Variants in CNTN4 observed in about 807,000 individuals in gnomAD.
The protein encoded by CNTN4 is contactin 4.
CNTN4 carries 77 observed loss-of-function variants against 122.5 expected under a neutral mutation model. The observed-to-expected ratio is 0.63, with a 90% CI of 0.52 to 0.76. CNTN4 has a LOEUF of 0.76. Among genes scored for constraint, CNTN4 ranks in the 30% least tolerant of loss-of-function variants. The pLI, the probability that CNTN4 is intolerant of heterozygous loss-of-function variation, is 0.00. For synonymous variants in CNTN4, 512 were observed against 447.0 expected (o/e 1.15, Z -1.83); for missense variants, 1,256 against 1,259.1 (o/e 1.00, Z 0.04).
At chr3:2,858,552 C>G (rs1359466559) in intron 7 of CNTN4, among the ~76,000 whole-genome samples, 1 of 151,760 alleles carries the variant, frequency 6.6e-6, no homozygotes, top group Non-Finnish European at 1.5e-5. Context: ...ATGGTGAAAC[C>G]CTGTCTTTAC....
At chr3:2,976,557 A>C (rs927788048) in intron 13 of CNTN4, among the ~76,000 whole-genome samples, 15 of 152,124 alleles carry the variant, frequency 9.9e-5, no homozygotes, top group African/African-American at 3.6e-4. Context: ...TTTGCCTGAA[A>C]TTACCCCGGG....
chr3:2,212,641 A>T lies in CNTN4; in HGVS notation c.-145+112002A>T, dbSNP rs180852004. Among the ~76,000 whole-genome samples, 237 of 152,366 alleles carry T rather than the reference A, an allele frequency of 1.6e-3. 2 individuals are homozygous for T. The highest frequency in any genetic ancestry group is 5.4e-3 in the African/African-American group (223 of 41,596). On this transcript the variant is annotated intron_variant, in intron 2 of 24. Transcript: ENST00000418658. ...GAGGCTTATTACAATTCAAGGTGAG[A>T]TTTGGATAGGGACACAGCCAAACCG...
At position 2,834,121 on chromosome 3, in the gene CNTN4, G is replaced by A. The variant is rs561997040; in HGVS notation, c.454+14540G>A. On this transcript the variant is annotated intron_variant, in intron 7 of 24. Transcript: ENST00000418658. ...AGATCGCCACTGCTCTCCAGCCTGG[G>A]CAACAGAGCAAGACTTCGTCTCAAA... Among the ~76,000 whole-genome samples, 17 of 152,082 alleles carry A rather than the reference G, an allele frequency of 1.1e-4. No homozygotes were observed. The South Asian group carries it at 3.3e-3, about 30-fold the overall frequency.
At chr3:2,678,717 T>C (rs999607114) in intron 4 of CNTN4, among the ~76,000 whole-genome samples, 3 of 152,170 alleles carry the variant, frequency 2.0e-5, no homozygotes, top group African/African-American at 7.2e-5. Flanking sequence ...CGGATAGAAT[T>C]TGGCCCCTCC....
At chr3:2,839,254 A>G (rs544254269) in intron 7 of CNTN4, among the ~76,000 whole-genome samples, 1 of 152,336 alleles carries the variant, frequency 6.6e-6, no homozygotes, top group Admixed American at 6.5e-5. Context: ...TTTTCCAATT[A>G]ATTGCTTTAA....
chr3:2,416,746 C>T (rs373951892), intron 3 of CNTN4, among the ~76,000 whole-genome samples: 5 of 152,000 alleles, frequency 3.3e-5, no homozygotes, highest in Non-Finnish European at 5.9e-5. Context: ...CTCTGCCTCT[C>T]GGGTTCCCGC....
intron 3 of CNTN4, among the ~76,000 whole-genome samples, chr3:2,423,049 T>C (rs2047671766): frequency 6.6e-6 from 1 of 152,210 alleles, no homozygotes; most frequent in South Asian, 2.1e-4. Context: ...TGCGTTGTTT[T>C]AGTGGAATGA....
At chr3:2,327,213 C>A (rs536027080) in intron 2 of CNTN4, among the ~76,000 whole-genome samples, 1 of 151,614 alleles carries the variant, frequency 6.6e-6, no homozygotes, top group Non-Finnish European at 1.5e-5. Context: ...AAGGTATTTC[C>A]CAGTGAGTAG....
At chr3:2,354,957 G>A (rs2044805764) in intron 3 of CNTN4, among the ~76,000 whole-genome samples, 1 of 152,204 alleles carries the variant, frequency 6.6e-6, no homozygotes, top group Non-Finnish European at 1.5e-5. Flanking sequence ...CATTGTGTCA[G>A]ATTACATCCA....
chr3:2,683,218 G>C (rs1488414127), intron 4 of CNTN4, among the ~76,000 whole-genome samples: 3 of 152,040 alleles, frequency 2.0e-5, no homozygotes, highest in African/African-American at 7.2e-5. Flanking sequence ...AAAATGACAA[G>C]AAGAGATTGA....
At chr3:2,341,162 C>T (rs11717215) in intron 3 of CNTN4, among the ~76,000 whole-genome samples, 19,270 of 152,156 alleles carry the variant, frequency 0.13, 1,522 homozygotes, top group Non-Finnish European at 0.18. Flanking sequence ...TTTTATTCCA[C>T]TTGAAAATGT....
intron 3 of CNTN4, among the ~76,000 whole-genome samples, chr3:2,535,335 A>G (rs1175816063): frequency 1.3e-5 from 2 of 152,064 alleles, no homozygotes; most frequent in Non-Finnish European, 2.9e-5. Context: ...TTTGTTTCCA[A>G]ATATGTATCT....
At chr3:3,049,023 T>C (rs1700976904) in intron 23 of CNTN4, among the ~76,000 whole-genome samples, 1 of 152,226 alleles carries the variant, frequency 6.6e-6, no homozygotes, top group Non-Finnish European at 1.5e-5. Context: ...GTTCAGTCCA[T>C]TCAGAAACTA....
At chr3:2,722,933 T>C (rs774417261) in intron 4 of CNTN4, among the ~76,000 whole-genome samples, 3 of 152,220 alleles carry the variant, frequency 2.0e-5, no homozygotes, top group Non-Finnish European at 4.4e-5. Context: ...TTTGAAAGAA[T>C]TGGTAACAAG....
intron 3 of CNTN4, chr3:2,362,864 A>G (rs564106517): frequency 6.4e-6 from 1 of 157,362 alleles, no homozygotes; most frequent in Non-Finnish European, 1.4e-5. Context: ...CAATACATAC[A>G]TAAATAATGA....
chr3:2,568,275 T>A (rs1372117924), intron 3 of CNTN4, among the ~76,000 whole-genome samples: 1 of 147,952 alleles, frequency 6.8e-6, no homozygotes, highest in African/African-American at 2.5e-5. Context: ...GTATGAGAAT[T>A]GTTTGAAGGG....
chr3:2,683,740 A>G (rs1053290532), intron 4 of CNTN4, among the ~76,000 whole-genome samples: 3 of 152,192 alleles, frequency 2.0e-5, no homozygotes, highest in Admixed American at 2.0e-4. Context: ...CATATAAGAA[A>G]TCTAAGACTT....
intron 4 of CNTN4, among the ~76,000 whole-genome samples, chr3:2,699,738 G>A (rs1017100487): frequency 2.0e-5 from 3 of 152,190 alleles, no homozygotes; most frequent in East Asian, 1.9e-4. Flanking sequence ...CACCAGTGTA[G>A]CCTCTTGAGC....
intron 14 of CNTN4, among the ~76,000 whole-genome samples, chr3:3,005,773 A>G (rs1372082565): frequency 6.6e-6 from 1 of 152,102 alleles, no homozygotes; most frequent in Admixed American, 6.6e-5. Flanking sequence ...ATTATTTCCC[A>G]AAGACCCCAC....
Sources: allele counts gnomAD v4.1 joint callset (sites outside exome capture counted in the v4.1 genomes callset), GRCh38; gene constraint gnomAD v4.1.1; transcripts MANE v1.5; gene names NCBI Gene and HGNC (gene_info 2026-07-23, HGNC 2026-07-21).